SLC26A7: variants seen among roughly 807,000 people sequenced by gnomAD.
The protein encoded by SLC26A7 is solute carrier family 26 member 7.
In SLC26A7, 59 loss-of-function variants were observed where a neutral mutation model predicts 82.5. That is an observed-to-expected ratio of 0.72 (90% confidence interval 0.58 to 0.89). The LOEUF is 0.89. SLC26A7 is among the 40% of genes least tolerant of loss of function. The pLI is 0.00. For synonymous variants in SLC26A7, 271 were observed against 274.3 expected (o/e 0.99, Z 0.12); for missense variants, 820 against 793.0 (o/e 1.03, Z -0.41).
At chr8:91,222,200 T>TG (rs1810170460) in intron 2 of SLC26A7, among the ~76,000 whole-genome samples, 1 of 152,198 alleles carries the variant, frequency 6.6e-6, no homozygotes, top group Non-Finnish European at 1.5e-5. Context: ...TAGGAATGCT[T>TG]GTGATTTTTG....
At chr8:91,286,914 G>T (rs1041519136) in intron 2 of SLC26A7, among the ~76,000 whole-genome samples, 2 of 152,062 alleles carry the variant, frequency 1.3e-5, no homozygotes, top group Non-Finnish European at 2.9e-5. Context: ...TACGTGTGTG[G>T]GGGCTGGTCT....
At chr8:91,318,912 C>T (rs945638006) in intron 5 of SLC26A7, among the ~76,000 whole-genome samples, 4 of 152,156 alleles carry the variant, frequency 2.6e-5, no homozygotes, top group Admixed American at 6.5e-5. Context: ...GGTTTGTTTT[C>T]GAAGTGGACC....
At chr8:91,250,969 C>A (rs1486389875) in intron 2 of SLC26A7, among the ~76,000 whole-genome samples, 1 of 151,912 alleles carries the variant, frequency 6.6e-6, no homozygotes, top group African/African-American at 2.4e-5. Context: ...CAGCTTTGGG[C>A]ATTTTTGGAC....
chr8:91,293,550 T>C (rs1811934183), intron 3 of SLC26A7, among the ~76,000 whole-genome samples: 1 of 152,196 alleles, frequency 6.6e-6, no homozygotes, highest in South Asian at 2.1e-4. Flanking sequence ...CCTGTACCCA[T>C]TGCTGGCAAG....
chr8:91,219,182 A>G (rs1810114562), intron 2 of SLC26A7: 1 of 387,596 alleles, frequency 2.6e-6, no homozygotes, highest in Non-Finnish European at 4.6e-6. Flanking sequence ...CAGCTTGCTT[A>G]GATTCTAGGT....
At chr8:91,273,517 G>C (rs1811327211) in intron 2 of SLC26A7, among the ~76,000 whole-genome samples, 2 of 152,164 alleles carry the variant, frequency 1.3e-5, no homozygotes, top group African/African-American at 4.8e-5. Flanking sequence ...CAAAGGTATT[G>C]ACAGGGCCAA....
At chr8:91,334,243 G>C in intron 5 of SLC26A7, 52 bp from the exon 6 acceptor site, 7 of 1,499,516 alleles carry the variant, frequency 4.7e-6, no homozygotes, top group Non-Finnish European at 6.3e-6. Context: ...TTTCATGTTG[G>C]TATATTATAG....
intron 15 of SLC26A7, among the ~76,000 whole-genome samples, chr8:91,371,609 A>G (rs1167424314): frequency 6.6e-6 from 1 of 151,904 alleles, no homozygotes; most frequent in Non-Finnish European, 1.5e-5. Flanking sequence ...TCCATCGTGT[A>G]TATATAGTAC....
At chr8:91,370,229 T>G (rs1241789692) in intron 15 of SLC26A7, among the ~76,000 whole-genome samples, 2 of 151,424 alleles carry the variant, frequency 1.3e-5, no homozygotes, top group Non-Finnish European at 3.0e-5. Context: ...TTCTTCCTTT[T>G]TCTCTTTACT....
intron 2 of SLC26A7, among the ~76,000 whole-genome samples, chr8:91,235,456 G>A (rs983032826): frequency 2.0e-5 from 3 of 152,058 alleles, no homozygotes; most frequent in East Asian, 1.9e-4. Context: ...AGATCAAGAC[G>A]AAAAGAGAAA....
intron 1 of SLC26A7, among the ~76,000 whole-genome samples, chr8:91,211,290 G>A (rs1164952286): frequency 6.6e-6 from 1 of 151,792 alleles, no homozygotes; most frequent in African/African-American, 2.4e-5. Flanking sequence ...GTATATGATA[G>A]TAAAAAAGTA....
chr8:91,377,392 T>G (rs1169042770), intron 15 of SLC26A7, among the ~76,000 whole-genome samples: 1 of 152,082 alleles, frequency 6.6e-6, no homozygotes, highest in African/African-American at 2.4e-5. Flanking sequence ...TGGCGGAAAG[T>G]TAGATCTCCA....
chr8:91,317,135 G>A (rs1304006764), intron 4 of SLC26A7, among the ~76,000 whole-genome samples: 1 of 151,678 alleles, frequency 6.6e-6, no homozygotes, highest in Non-Finnish European at 1.5e-5. Context: ...ACTCCAGCCT[G>A]GGAGACAGAG....
intron 4 of SLC26A7, among the ~76,000 whole-genome samples, chr8:91,311,618 C>T (rs1812489355): frequency 6.6e-6 from 1 of 152,090 alleles, no homozygotes; most frequent in Admixed American, 6.6e-5. Flanking sequence ...TGAGACAGTT[C>T]TCAATCAATT....
intron 5 of SLC26A7, among the ~76,000 whole-genome samples, chr8:91,326,890 C>T (rs1001101929): frequency 6.6e-6 from 1 of 152,164 alleles, no homozygotes; most frequent in Non-Finnish European, 1.5e-5. Flanking sequence ...CTTGTGGCTG[C>T]ATCACGCCAA....
At chr8:91,379,659 G>A (rs973889077) in intron 15 of SLC26A7, among the ~76,000 whole-genome samples, 13 of 151,852 alleles carry the variant, frequency 8.6e-5, no homozygotes, top group African/African-American at 2.4e-4. Flanking sequence ...ATATGTATGA[G>A]GTAGATCAAT....
At chr8:91,287,349 T>C (rs1811739185) in intron 2 of SLC26A7, among the ~76,000 whole-genome samples, 1 of 152,198 alleles carries the variant, frequency 6.6e-6, no homozygotes, top group Non-Finnish European at 1.5e-5. Context: ...GTTATTGTAA[T>C]AAGGCAGACA....
intron 2 of SLC26A7, among the ~76,000 whole-genome samples, chr8:91,274,862 A>G (rs1363287136): frequency 1.3e-5 from 2 of 152,236 alleles, no homozygotes; most frequent in Admixed American, 6.5e-5. Context: ...TTAGCTTTGC[A>G]AGAAATCTTT....
chr8:91,224,203 G>A (rs932357379), intron 2 of SLC26A7, among the ~76,000 whole-genome samples: 3 of 151,838 alleles, frequency 2.0e-5, no homozygotes, highest in Admixed American at 6.6e-5. Flanking sequence ...CTGATCCTCC[G>A]TCTAGTTCTG....
Sources: allele counts gnomAD v4.1 joint callset (sites outside exome capture counted in the v4.1 genomes callset), GRCh38; gene constraint gnomAD v4.1.1; transcripts MANE v1.5; gene names NCBI Gene and HGNC (gene_info 2026-07-23, HGNC 2026-07-21).